Variants in ZNF713 observed in about 807,000 individuals in gnomAD.
ZNF713 encodes zinc finger protein 713.
Under a neutral mutation model 28.7 loss-of-function variants are expected in ZNF713, and 21 were observed. The ratio of observed to expected loss-of-function variants is 0.73; its 90% CI spans 0.52 to 1.05. The LOEUF is 1.05. Among genes scored for constraint, ZNF713 ranks in the 50% least tolerant of loss-of-function variants. ZNF713 has a pLI of 0.00. For missense variants in ZNF713, 458 were observed against 532.4 expected (o/e 0.86, Z 1.37); for synonymous variants, 167 against 178.0 (o/e 0.94, Z 0.49).
At chr7:55,894,906 A>G (rs978479163) in intron 1 of ZNF713, among the ~76,000 whole-genome samples, 1 of 152,230 alleles carries the variant, frequency 6.6e-6, no homozygotes, top group Non-Finnish European at 1.5e-5. Context: ...TATACATTTA[A>G]TAATATGTGC....
chr7:55,919,507 T>TTTG (rs1785949384), intron 4 of ZNF713, among the ~76,000 whole-genome samples: 1 of 62,686 alleles, frequency 1.6e-5, no homozygotes, highest in African/African-American at 7.5e-5. Flanking sequence ...TTTTTTTTTT[T>TTTG]TTTTTTTTTT....
Position 55,941,155 on chromosome 7 carries a change from A to T in ZNF713, c.*1149A>T, listed in dbSNP as rs1015747926. ...TAAAACTTTTAAATCAGAAATTTTGATTAATTAAAGACAATGCTGGCTGGG... is the reference window on the plus strand; with the variant it reads ...TAAAACTTTTAAATCAGAAATTTTGTTTAATTAAAGACAATGCTGGCTGGG... On this transcript the variant is annotated 3_prime_UTR_variant, in exon 7 of 7. Coordinates refer to ENST00000429591, the MANE Select transcript of ZNF713 (RefSeq NM_182633.3). The T allele has an allele frequency of 4.0e-5, 6 of 149,160 alleles. No individual in the cohort carries two copies. Among genetic ancestry groups the T allele is most frequent in the African/African-American group, 1.5e-4 (6 of 40,834 alleles). 9.2% of individuals were successfully genotyped at this position (149,160 alleles called of 1,614,324 possible). A position where few individuals can be genotyped will look rare whatever the true frequency, so the allele number is the denominator to read the frequency against.
intron 1 of ZNF713, among the ~76,000 whole-genome samples, chr7:55,905,738 A>G (rs942702663): frequency 5.9e-5 from 9 of 152,148 alleles, no homozygotes; most frequent in African/African-American, 1.9e-4. Flanking sequence ...TGTATAGCCA[A>G]TCAATACCTT....
Position 55,940,203 on chromosome 7 carries a change from A to T in ZNF713, c.*197A>T. 2 of 933,856 alleles carry T rather than the reference A, an allele frequency of 2.1e-6. No individual in the cohort carries two copies. The highest frequency in any genetic ancestry group is 5.0e-5 in the South Asian group (2 of 40,302). 57.8% of individuals were successfully genotyped at this position (933,856 alleles called of 1,614,324 possible). A position where few individuals can be genotyped will look rare whatever the true frequency, so the allele number is the denominator to read the frequency against. On this transcript the variant is annotated 3_prime_UTR_variant, in exon 7 of 7. Coordinates refer to ENST00000429591, the MANE Select transcript of ZNF713 (RefSeq NM_182633.3). ...AGTGGTACAATCTTGGCTCACTGCA[A>T]CCTCTGCCACCTGGGTTCAAGCGAT...
intron 4 of ZNF713, among the ~76,000 whole-genome samples, chr7:55,919,811 C>T (rs895822192): frequency 6.6e-6 from 1 of 151,994 alleles, no homozygotes; most frequent in African/African-American, 2.4e-5. Flanking sequence ...CAGAACATTA[C>T]CAGTATCCCA....
intron 1 of ZNF713, among the ~76,000 whole-genome samples, chr7:55,892,907 A>G (rs553519059): frequency 1.8e-3 from 272 of 150,478 alleles, no homozygotes; most frequent in Non-Finnish European, 2.2e-3. Context: ...AATAGGAGAC[A>G]AGGCATACAA....
intron 1 of ZNF713, among the ~76,000 whole-genome samples, chr7:55,903,366 T>TA (rs562648573): frequency 8.0e-4 from 118 of 147,020 alleles, no homozygotes; most frequent in African/African-American, 2.3e-3. Flanking sequence ...TACAGTGATT[T>TA]AAAAAAAAAA....
intron 6 of ZNF713, among the ~76,000 whole-genome samples, chr7:55,930,943 C>T (rs1249100806): frequency 6.6e-6 from 1 of 152,144 alleles, no homozygotes; most frequent in Non-Finnish European, 1.5e-5. Context: ...CCACCACTTT[C>T]ATTAAAAAAT....
intron 4 of ZNF713, among the ~76,000 whole-genome samples, chr7:55,919,775 G>T (rs796495306): frequency 6.6e-6 from 1 of 151,894 alleles, no homozygotes; most frequent in Non-Finnish European, 1.5e-5. Flanking sequence ...GAATTCATTC[G>T]TGCAATCTTC....
intron 1 of ZNF713, among the ~76,000 whole-genome samples, chr7:55,890,774 C>T (rs2116155887): frequency 6.6e-6 from 1 of 152,126 alleles, no homozygotes; most frequent in East Asian, 1.9e-4. Flanking sequence ...AATCCCAGCA[C>T]TTTGGGAGGC....
chr7:55,898,326 A>T (rs1212484182), intron 1 of ZNF713, among the ~76,000 whole-genome samples: 3 of 152,230 alleles, frequency 2.0e-5, no homozygotes, highest in Non-Finnish European at 4.4e-5. Flanking sequence ...CAAACGATAC[A>T]TCTGATATGG....
intron 1 of ZNF713, 89 bp downstream of exon 1, chr7:55,887,769 GGAGGCGGGGGGCGGAGGCGGGGGGC>G (rs1785284426): frequency 8.3e-4 from 2 of 2,406 alleles, no homozygotes; most frequent in African/African-American, 2.9e-3. Flanking sequence ...GGCGGGGGGC[GGAGGCGGGGGGCGGAGGCGGGGGGC>G]GGAGGCGGGG....
At position 55,939,644 on chromosome 7, in the gene ZNF713, C is replaced by T. The variant is rs769129256; in HGVS notation, c.970C>T (p.Arg324Cys). ...ATGCAATGGATGTGGGAAAGCCTTC[C>T]GTCAGCATTCATCCTTTACTCAACA... ...FICNGCGKAF[R>C]QHSSFTQHLR... The change falls in exon 7 of 7, where the codon CGT becomes TGT. Residue 324 changes from arginine to cysteine, a missense_variant. Coordinates refer to ENST00000429591, the MANE Select transcript of ZNF713 (RefSeq NM_182633.3). The T allele has an allele frequency of 2.4e-5, 39 of 1,614,020 alleles. No individual in the cohort carries two copies. In the East Asian group the frequency reaches 6.7e-4, roughly 28 times the overall value.
chr7:55,922,178 C>T (rs939314868), intron 4 of ZNF713, among the ~76,000 whole-genome samples: 2 of 151,652 alleles, frequency 1.3e-5, no homozygotes, highest in Non-Finnish European at 2.9e-5. Flanking sequence ...CCACCCACCT[C>T]GGCCTCCCAA....
intron 4 of ZNF713, chr7:55,918,083 T>C (rs910702786): frequency 2.2e-5 from 10 of 456,578 alleles, no homozygotes; most frequent in African/African-American, 6.0e-5. Context: ...TCGGCAAGGC[T>C]GTGACTGGAG....
chr7:55,936,952 TTCTC>T (rs1413011045), intron 6 of ZNF713, among the ~76,000 whole-genome samples: 1 of 152,060 alleles, frequency 6.6e-6, no homozygotes, highest in Non-Finnish European at 1.5e-5. Flanking sequence ...AAACGAGCCT[TTCTC>T]TCCTCCCTCC....
rs61092452 is a variant in ZNF713, at chr7:55,932,890, CAAAA to C, written c.308-6075_308-6072del. 2.7e-4 allele frequency among the ~76,000 whole-genome samples: 13 copies of C among 47,796 alleles called. 1 individual carries two copies. The highest frequency in any genetic ancestry group is 8.9e-4 in the African/African-American group (10 of 11,260). The allele number at this position is 47,796 out of a possible 152,430, so 31.4% of individuals were successfully genotyped here. A position where few individuals can be genotyped will look rare whatever the true frequency, so the allele number is the denominator to read the frequency against. ...TGGGCGACAGAGCGAGACTCCGTCT[CAAAA>C]AAAAAAAAAAAAAAAAGAAGCTACA... On this transcript the variant is annotated intron_variant, in intron 6 of 6. Coordinates refer to ENST00000429591, the MANE Select transcript of ZNF713 (RefSeq NM_182633.3).
At chr7:55,919,023 A>G (rs1251620807) in intron 4 of ZNF713, among the ~76,000 whole-genome samples, 1 of 152,088 alleles carries the variant, frequency 6.6e-6, no homozygotes, top group Non-Finnish European at 1.5e-5. Context: ...AGGAAAATAG[A>G]GAATATATTT....
intron 1 of ZNF713, among the ~76,000 whole-genome samples, chr7:55,890,316 G>C (rs778553489): frequency 1.6e-4 from 24 of 151,990 alleles, no homozygotes; most frequent in Admixed American, 2.6e-4. Flanking sequence ...CGGGTGTGGT[G>C]GTGGGTGCCT....
Sources: allele counts gnomAD v4.1 joint callset (sites outside exome capture counted in the v4.1 genomes callset), GRCh38; gene constraint gnomAD v4.1.1; transcripts MANE v1.5; gene names NCBI Gene and HGNC (gene_info 2026-07-23, HGNC 2026-07-21).